CREB1: variants seen among roughly 807,000 people sequenced by gnomAD.
CREB1 encodes the protein cAMP responsive element binding protein 1, also known as cyclic AMP-responsive element-binding protein 1.
Under a neutral mutation model 42.0 loss-of-function variants are expected in CREB1, and 2 were observed. That is an observed-to-expected ratio of 0.05 (90% CI 0.02 to 0.15). The LOEUF is 0.15. CREB1 is among the 10% of genes least tolerant of loss of function. The pLI is 1.00. For synonymous variants in CREB1, 123 were observed against 139.9 expected (o/e 0.88, Z 0.85); for missense variants, 199 against 388.9 (o/e 0.51, Z 4.11).
intron 7 of CREB1, among the ~76,000 whole-genome samples, chr2:207,586,590 G>A (rs548568157): frequency 6.6e-6 from 1 of 152,266 alleles, no homozygotes; most frequent in South Asian, 2.1e-4. Flanking sequence ...AAAAGCTTCT[G>A]AACAGCAAAG....
At chr2:207,545,044 T>C (rs1011071651) in intron 1 of CREB1, among the ~76,000 whole-genome samples, 8 of 152,196 alleles carry the variant, frequency 5.3e-5, no homozygotes, top group African/African-American at 1.7e-4. Flanking sequence ...TGTATTGTTA[T>C]AATAGAATGA....
intron 7 of CREB1, among the ~76,000 whole-genome samples, chr2:207,583,965 A>T (rs1304828582): frequency 1.3e-5 from 2 of 152,218 alleles, no homozygotes; most frequent in African/African-American, 4.8e-5. Flanking sequence ...TCCTTCATCT[A>T]GCAAAATGCA....
intron 7 of CREB1, among the ~76,000 whole-genome samples, chr2:207,596,456 G>A (rs917748339): frequency 4.6e-5 from 7 of 152,108 alleles, no homozygotes; most frequent in African/African-American, 1.2e-4. Context: ...TCTTTGAGAC[G>A]GAGTCTCACT....
intron 1 of CREB1, among the ~76,000 whole-genome samples, chr2:207,531,805 T>G (rs1384245556): frequency 6.6e-6 from 1 of 152,236 alleles, no homozygotes; most frequent in Non-Finnish European, 1.5e-5. Flanking sequence ...GCAGAAGCAC[T>G]GTCTTATTTT....
intron 1 of CREB1, among the ~76,000 whole-genome samples, chr2:207,543,052 A>G (rs1252754355): frequency 6.6e-6 from 1 of 152,178 alleles, no homozygotes; most frequent in Non-Finnish European, 1.5e-5. Context: ...CCTTATATAA[A>G]GTGGTATAGT....
intron 1 of CREB1, among the ~76,000 whole-genome samples, chr2:207,539,922 T>G (rs2081027038): frequency 6.6e-6 from 1 of 152,124 alleles, no homozygotes; most frequent in Non-Finnish European, 1.5e-5. Flanking sequence ...TAGATCTACA[T>G]TTTGAGGAAT....
At chr2:207,564,857 A>G (rs2082083125) in intron 3 of CREB1, among the ~76,000 whole-genome samples, 1 of 152,168 alleles carries the variant, frequency 6.6e-6, no homozygotes, top group Admixed American at 6.5e-5. Flanking sequence ...GAATTCAGAA[A>G]GAAGTTAATA....
intron 1 of CREB1, among the ~76,000 whole-genome samples, chr2:207,531,170 A>T (rs142059881): frequency 3.9e-5 from 6 of 152,272 alleles, no homozygotes; most frequent in Non-Finnish European, 7.4e-5. Context: ...ACTTCGTTGG[A>T]ACGAGTATCA....
chr2:207,594,911 T>C (rs2085809814), intron 7 of CREB1, among the ~76,000 whole-genome samples: 1 of 152,046 alleles, frequency 6.6e-6, no homozygotes, highest in African/African-American at 2.4e-5. Context: ...GGTTTTTTGA[T>C]AGTAGCCATC....
At position 207,571,692 on chromosome 2, in the gene CREB1, C is replaced by T. The variant is rs781131302; in HGVS notation, c.505+1371C>T. ...CTTTTAGTTATTCAAGATATGTGTT[C>T]GAAGACATTGATACATGATGTTTAT... On this transcript the variant is annotated intron_variant, in intron 5 of 7. Transcript: ENST00000353267. The T allele has an allele frequency of 3.1e-5, 14 of 452,012 alleles. No homozygotes were observed. The East Asian group carries it at 4.2e-4, about 14-fold the overall frequency. 28.0% of individuals were successfully genotyped at this position (452,012 alleles called of 1,614,324 possible). A position where few individuals can be genotyped will look rare whatever the true frequency, so the allele number is the denominator to read the frequency against.
intron 1 of CREB1, among the ~76,000 whole-genome samples, chr2:207,552,622 T>TG (rs1388830343): frequency 4.6e-5 from 7 of 151,172 alleles, no homozygotes; most frequent in Non-Finnish European, 1.0e-4. Context: ...TTTTTTTTTT[T>TG]GGTAAGACAG....
intron 7 of CREB1, among the ~76,000 whole-genome samples, chr2:207,579,007 C>T (rs2082718426): frequency 6.6e-6 from 1 of 152,006 alleles, no homozygotes; most frequent in African/African-American, 2.4e-5. Context: ...AGGCTGGTCT[C>T]GAACTCTTGA....
intron 1 of CREB1, among the ~76,000 whole-genome samples, chr2:207,546,133 A>T (rs563364417): frequency 1.3e-5 from 2 of 152,326 alleles, no homozygotes; most frequent in South Asian, 2.1e-4. Context: ...ATACTTTACT[A>T]TGACAGTACT....
intron 1 of CREB1, among the ~76,000 whole-genome samples, chr2:207,543,623 T>C (rs940869979): frequency 6.6e-6 from 1 of 152,028 alleles, no homozygotes; most frequent in Non-Finnish European, 1.5e-5. Context: ...TATTTATTTA[T>C]TTTTGAGATG....
At chr2:207,537,650 C>T (rs1405642560) in intron 1 of CREB1, among the ~76,000 whole-genome samples, 1 of 152,208 alleles carries the variant, frequency 6.6e-6, no homozygotes, top group Non-Finnish European at 1.5e-5. Flanking sequence ...TTTATCACAT[C>T]TGTAAATGTA....
intron 1 of CREB1, among the ~76,000 whole-genome samples, chr2:207,536,800 G>A (rs1489013613): frequency 6.6e-6 from 1 of 151,898 alleles, no homozygotes; most frequent in Non-Finnish European, 1.5e-5. Context: ...GACCAGCCTG[G>A]CCAAGATGGT....
intron 1 of CREB1, among the ~76,000 whole-genome samples, chr2:207,547,999 A>T (rs901263619): frequency 2.0e-5 from 3 of 151,716 alleles, no homozygotes; most frequent in Admixed American, 6.6e-5. Context: ...CAGTGGTGCA[A>T]TCTCGACTCA....
chr2:207,574,633 A>G (rs553731143), intron 5 of CREB1, among the ~76,000 whole-genome samples: 38 of 152,280 alleles, frequency 2.5e-4, no homozygotes, highest in South Asian at 6.2e-4. Context: ...TGACAGTTAA[A>G]GTTTTTTTTC....
At chr2:207,569,308 G>A (rs2082260357) in intron 4 of CREB1, among the ~76,000 whole-genome samples, 1 of 152,124 alleles carries the variant, frequency 6.6e-6, no homozygotes. Flanking sequence ...TGGGATTGAG[G>A]CACGAACACC....
Sources: gnomAD v4.1 joint callset for allele counts (sites outside exome capture counted in the v4.1 genomes callset) on GRCh38, gnomAD v4.1.1 for gene constraint, MANE v1.5 for transcripts, NCBI Gene and HGNC (gene_info 2026-07-23, HGNC 2026-07-21) for gene names.